NEO1: variants seen among roughly 807,000 people sequenced by gnomAD.
The protein encoded by NEO1 is neogenin.
NEO1 carries 63 observed loss-of-function variants against 159.7 expected under a neutral mutation model. That is an observed-to-expected ratio of 0.39 (90% confidence interval 0.32 to 0.49). The LOEUF is 0.49. NEO1 is among the 20% of genes least tolerant of loss of function. The probability of loss-of-function intolerance (pLI) is 0.85; values close to 1 mark genes in which losing one functional copy is unlikely to be tolerated. For missense variants in NEO1, 1,615 were observed against 1,831.0 expected (o/e 0.88, Z 2.15); for synonymous variants, 633 against 662.0 (o/e 0.96, Z 0.67).
chr15:73,120,172 A>G (rs1020089527), intron 2 of NEO1, among the ~76,000 whole-genome samples: 3 of 151,868 alleles, frequency 2.0e-5, no homozygotes, highest in African/African-American at 7.2e-5. Context: ...ATTTAATTTA[A>G]TTTAATTAAA....
intron 7 of NEO1, among the ~76,000 whole-genome samples, chr15:73,219,991 G>A (rs562098425): frequency 4.7e-4 from 72 of 151,854 alleles, no homozygotes; most frequent in Non-Finnish European, 8.5e-4. Context: ...TATTTTGCTC[G>A]TTAGTTGATG....
Position 73,288,462 on chromosome 15 carries a change from A to C in NEO1, c.3560A>C (p.Asp1187Ala). ...CCAGACCCAAACCCCATCATGACTG[A>C]TACTCCAATTCCTCGCAACTCTCAA... ...KSPDPNPIMT[D>A]TPIPRNSQDI... Residue 1187 changes from aspartate to alanine, a missense_variant, in exon 24 of 29, where the codon GAT becomes GCT. Asp to Ala is a moderately radical substitution (Grantham distance 126). Transcript: ENST00000261908. 6.2e-6 allele frequency: 10 copies of C among 1,614,144 alleles called. No homozygotes were observed. The highest frequency in any genetic ancestry group is 1.1e-5 in the South Asian group (1 of 91,080).
At chr15:73,191,039 G>C (rs114324510) in intron 7 of NEO1, among the ~76,000 whole-genome samples, 1 of 151,990 alleles carries the variant, frequency 6.6e-6, no homozygotes, top group Admixed American at 6.6e-5. Flanking sequence ...CGCTTTTTCC[G>C]TATAGGTATT....
intron 9 of NEO1, among the ~76,000 whole-genome samples, chr15:73,246,172 A>G (rs977873033): frequency 6.6e-6 from 1 of 152,184 alleles, no homozygotes; most frequent in African/African-American, 2.4e-5. Context: ...TATCCCCTAT[A>G]CTGGGTAATG....
chr15:73,143,547 G>C (rs993910839), intron 5 of NEO1: 2 of 152,802 alleles, frequency 1.3e-5, no homozygotes, highest in South Asian at 2.1e-4. Context: ...TGGGCAGGCA[G>C]TGTGGACTGA....
chr15:73,261,687 A>G (rs2040626163), intron 15 of NEO1, among the ~76,000 whole-genome samples: 2 of 152,188 alleles, frequency 1.3e-5, no homozygotes, highest in Admixed American at 6.5e-5. Context: ...TTAAGATACC[A>G]TGTTCACTGG....
intron 7 of NEO1, among the ~76,000 whole-genome samples, chr15:73,219,097 C>T (rs980757932): frequency 7.3e-5 from 11 of 150,556 alleles, no homozygotes; most frequent in African/African-American, 1.5e-4. Flanking sequence ...GCTTTGAATG[C>T]GTCCCAGAGA....
At chr15:73,184,735 T>G (rs917243805) in intron 7 of NEO1, among the ~76,000 whole-genome samples, 3 of 152,002 alleles carry the variant, frequency 2.0e-5, no homozygotes, top group African/African-American at 7.2e-5. Context: ...CGAGACCAGC[T>G]TGGCCAACTT....
chr15:73,288,250 G>C, intron 23 of NEO1, 63 bp from the exon 24 acceptor site: 1 of 1,497,074 alleles, frequency 6.7e-7, no homozygotes, highest in Non-Finnish European at 9.2e-7. Flanking sequence ...AATCACTCAA[G>C]CCTTTTGACA....
rs1355108799 is a variant in NEO1, at chr15:73,135,962, C to T, written c.950C>T (p.Thr317Ile). The T allele has an allele frequency of 6.2e-7, 1 of 1,604,520 alleles. No individual in the cohort carries two copies. Among genetic ancestry groups the T allele is most frequent in the Non-Finnish European group, 8.5e-7 (1 of 1,176,832 alleles). ...GATGTTACTGAGGATGATGCTGGGA[C>T]TTATTTTTGTATAGCTGATAATGGA... ...ISDVTEDDAG[T>I]YFCIADNGNE... The change falls in exon 5 of 29, where the codon ACT (threonine) becomes ATT (isoleucine). Residue 317 changes from threonine (T) to isoleucine (I), a missense_variant. Thr to Ile is a moderately conservative substitution (Grantham distance 89, BLOSUM62 -1). This residue lies in a region of NEO1 where 1,018 missense variants were observed against 1,115.4 expected (regional missense o/e 0.91). Coordinates refer to ENST00000261908, the MANE Select transcript of NEO1 (RefSeq NM_002499.4).
rs114900768 is a variant in NEO1 at position 73,236,704 on chromosome 15, G to A, written c.1451+198G>A. On this transcript the variant is annotated intron_variant, in intron 8 of 28. Transcript: ENST00000261908. ...CTGGTAGTCTCTCCTTTTCTGGGAT[G>A]ACTTAGGGAGAGGGTAGATACAGCT... 4.6e-3 allele frequency among the ~76,000 whole-genome samples: 696 copies of A among 152,302 alleles called. 3 individuals carry two copies. The highest frequency in any genetic ancestry group is 0.015 in the African/African-American group (619 of 41,558).
chr15:73,128,765 C>T (rs1321330297), intron 4 of NEO1, among the ~76,000 whole-genome samples: 1 of 152,202 alleles, frequency 6.6e-6, no homozygotes, highest in Non-Finnish European at 1.5e-5. Context: ...GAATGATTCT[C>T]AGACTGGGGT....
intron 14 of NEO1, 24 bp from the exon 15 acceptor site, chr15:73,260,247 T>C (rs1228619003): frequency 1.2e-6 from 2 of 1,607,340 alleles, no homozygotes; most frequent in East Asian, 2.2e-5. Flanking sequence ...TATCTCATCT[T>C]GCTTTTCCAC....
chr15:73,251,862 G>A (rs564339915), intron 11 of NEO1, among the ~76,000 whole-genome samples: 2 of 152,276 alleles, frequency 1.3e-5, no homozygotes, highest in Non-Finnish European at 2.9e-5. Flanking sequence ...CTACAAAATA[G>A]GAATGAGAAT....
chr15:73,249,695 A>T lies in NEO1; in HGVS notation c.1868A>T (p.Asp623Val). ...CATGGTCCTGGAGTTTCCACACCAG[A>T]TGTTGCTGTTCGAACATTGTCAGAT... is the stretch of plus-strand genomic sequence containing the variant. ...NKHGPGVSTP[D>V]VAVRTLSDVP... Residue 623 changes from aspartate to valine, a missense_variant, in exon 11 of 29, where the codon GAT becomes GTT. By Grantham distance (152) the Asp-to-Val change is radical. Transcript: ENST00000261908. 1 of 1,612,512 alleles carries T rather than the reference A, an allele frequency of 6.2e-7. No individual in the cohort carries two copies. The highest frequency in any genetic ancestry group is 8.5e-7 in the Non-Finnish European group (1 of 1,179,592).
chr15:73,131,781 A>C (rs2031166777), intron 4 of NEO1, among the ~76,000 whole-genome samples: 1 of 152,240 alleles, frequency 6.6e-6, no homozygotes, highest in Non-Finnish European at 1.5e-5. Context: ...CCAAATTCTT[A>C]AAATGGTTTT....
At chr15:73,259,370 A>ATTTTTTTTT (rs10623352) in intron 14 of NEO1, among the ~76,000 whole-genome samples, 13 of 135,572 alleles carry the variant, frequency 9.6e-5, no homozygotes, top group South Asian at 2.5e-4. Flanking sequence ...CATTTTACTA[A>ATTTTTTTTT]TTTTTTTTTT....
chr15:73,212,113 GT>G (rs2037614711), intron 7 of NEO1, among the ~76,000 whole-genome samples: 1 of 152,162 alleles, frequency 6.6e-6, no homozygotes, highest in Admixed American at 6.6e-5. Context: ...GGTTAAGGTG[GT>G]TTTTGCCAGT....
At chr15:73,223,387 T>A (rs956433191) in intron 7 of NEO1, among the ~76,000 whole-genome samples, 1 of 152,186 alleles carries the variant, frequency 6.6e-6, no homozygotes, top group African/African-American at 2.4e-5. Flanking sequence ...AGTATTGAAG[T>A]CCCCCACTAT....
Sources: allele counts gnomAD v4.1 joint callset (sites outside exome capture counted in the v4.1 genomes callset), GRCh38; gene constraint gnomAD v4.1.1; regional missense constraint gnomAD v4.1.1; transcripts MANE v1.5; gene names NCBI Gene and HGNC (gene_info 2026-07-23, HGNC 2026-07-21).